Variants in TRAPPC6B observed in about 807,000 individuals in gnomAD.
TRAPPC6B encodes TRAPP complex subunit 6B.
TRAPPC6B carries 27 observed loss-of-function variants against 24.7 expected under a neutral mutation model. That is an observed-to-expected ratio of 1.09 (90% CI 0.81 to 1.51). The LOEUF (loss-of-function observed/expected upper bound fraction) is 1.51. TRAPPC6B is among the 40% of genes most tolerant of loss of function. The probability of loss-of-function intolerance (pLI) is 0.00; values close to 1 mark genes in which losing one functional copy is unlikely to be tolerated. For synonymous variants in TRAPPC6B, 80 were observed against 66.6 expected (o/e 1.20, Z -0.98); for missense variants, 212 against 190.8 (o/e 1.11, Z -0.66).
chr14:39,165,440 C>T (rs1189623308), intron 1 of TRAPPC6B, among the ~76,000 whole-genome samples: 1 of 152,156 alleles, frequency 6.6e-6, no homozygotes, highest in Non-Finnish European at 1.5e-5. Flanking sequence ...TCTGTACATA[C>T]ATCTATTACT....
chr14:39,166,009 G>A (rs1422135771), intron 1 of TRAPPC6B, among the ~76,000 whole-genome samples: 8 of 152,090 alleles, frequency 5.3e-5, no homozygotes, highest in African/African-American at 9.7e-5. Flanking sequence ...TCACCATGTT[G>A]GCCAGGCTGG....
chr14:39,150,383 TA>T lies in TRAPPC6B; in HGVS notation c.446-3del, dbSNP rs150886646. The T allele has an allele frequency of 0.11, 120,933 of 1,141,986 alleles. 2,040 individuals carry two copies. Among genetic ancestry groups the T allele is most frequent in the Non-Finnish European group, 0.12 (101,883 of 852,338 alleles). 70.7% of individuals were successfully genotyped at this position (1,141,986 alleles called of 1,614,324 possible). On this transcript the variant is annotated splice_region_variant and splice_polypyrimidine_tract_variant and intron_variant, in intron 5 of 5. Coordinates refer to ENST00000330149, the MANE Select transcript of TRAPPC6B (RefSeq NM_001079537.2). ...TCTGTATCATCACCTGAAATTTGCC[TA>T]AAAAAAAAAATACAAATAATTCTTT...
At chr14:39,164,192 T>TA (rs991086848) in intron 1 of TRAPPC6B, among the ~76,000 whole-genome samples, 7 of 152,044 alleles carry the variant, frequency 4.6e-5, no homozygotes, top group Admixed American at 1.3e-4. Flanking sequence ...AGTAAATTTC[T>TA]AAAAAAAATC....
At chr14:39,167,709 TC>T (rs55673596) in intron 1 of TRAPPC6B, among the ~76,000 whole-genome samples, 12,554 of 151,838 alleles carry the variant, frequency 0.083, 570 homozygotes, top group African/African-American at 0.12. Context: ...CTTTCAATTT[TC>T]CCCCCCATCA....
At position 39,151,848 on chromosome 14, in the gene TRAPPC6B, A is replaced by G; in HGVS notation, c.352-9T>C. On this transcript the variant is annotated splice_polypyrimidine_tract_variant and intron_variant, in intron 4 of 5. Coordinates refer to ENST00000330149, the MANE Select transcript of TRAPPC6B (RefSeq NM_001079537.2). ...CACGTAAATGCTAAATACTAAAAGGAAAAAAAATCATTAAAAATAGTAAGG... is the reference window on the plus strand; with the variant it reads ...CACGTAAATGCTAAATACTAAAAGGGAAAAAAATCATTAAAAATAGTAAGG... 1.3e-6 allele frequency: 2 copies of G among 1,539,826 alleles called. No homozygotes were observed. Among genetic ancestry groups the G allele is most frequent in the South Asian group, 1.2e-5 (1 of 83,944 alleles).
intron 1 of TRAPPC6B, 89 bp from the exon 2 acceptor site, chr14:39,159,639 T>A: frequency 1.2e-6 from 1 of 863,186 alleles, no homozygotes; most frequent in Non-Finnish European, 1.7e-6. Flanking sequence ...TTAAAAATAT[T>A]AATGTAAACA....
chr14:39,157,584 T>A, intron 3 of TRAPPC6B: 1 of 376,138 alleles, frequency 2.7e-6, no homozygotes, highest in South Asian at 2.1e-5. Flanking sequence ...CCTTGTGTCA[T>A]AAAATGGGGG....
At chr14:39,168,228 AAAGAG>A (rs1321464407) in intron 1 of TRAPPC6B, among the ~76,000 whole-genome samples, 5 of 151,622 alleles carry the variant, frequency 3.3e-5, no homozygotes, top group African/African-American at 1.2e-4. Flanking sequence ...AAAAAAAAAA[AAAGAG>A]AGAGAGAGAA....
chr14:39,153,159 G>C (rs540327268), intron 4 of TRAPPC6B, among the ~76,000 whole-genome samples: 183 of 151,956 alleles, frequency 1.2e-3, no homozygotes, highest in South Asian at 2.5e-3. Context: ...AGGCATGGTG[G>C]CGCACACCTG....
rs1272629135 is a variant in TRAPPC6B, at chr14:39,157,892, A to G, written c.267+393T>C. 15 of 165,456 alleles carry G rather than the reference A, an allele frequency of 9.1e-5. No homozygotes were observed. In the East Asian group the frequency reaches 2.8e-3, roughly 30 times the overall value. 10.2% of individuals were successfully genotyped at this position (165,456 alleles called of 1,614,324 possible). ...GTTGAGTTTTCTGTATATAAAAATA[A>G]TTAAAATAATCCAAATTCTTCTTCT... On this transcript the variant is annotated intron_variant, in intron 3 of 5. Coordinates refer to ENST00000330149, the MANE Select transcript of TRAPPC6B (RefSeq NM_001079537.2).
intron 1 of TRAPPC6B, among the ~76,000 whole-genome samples, chr14:39,166,724 T>C (rs2053112189): frequency 6.6e-6 from 1 of 152,262 alleles, no homozygotes; most frequent in Middle Eastern, 3.4e-3. Flanking sequence ...CTGTAAATAA[T>C]ATCACTATTG....
chr14:39,159,909 A>C (rs1034733515), intron 1 of TRAPPC6B, among the ~76,000 whole-genome samples: 1 of 152,074 alleles, frequency 6.6e-6, no homozygotes, highest in African/African-American at 2.4e-5. Flanking sequence ...TGCAACCTCC[A>C]TCTACAGGGT....
At chr14:39,165,909 T>C (rs1274634362) in intron 1 of TRAPPC6B, among the ~76,000 whole-genome samples, 1 of 152,126 alleles carries the variant, frequency 6.6e-6, no homozygotes, top group African/African-American at 2.4e-5. Context: ...GTTCAAGTGA[T>C]TCTTCTGCCT....
intron 1 of TRAPPC6B, among the ~76,000 whole-genome samples, chr14:39,164,725 T>C (rs912759417): frequency 3.9e-5 from 6 of 152,098 alleles, no homozygotes; most frequent in Non-Finnish European, 8.8e-5. Flanking sequence ...TAGTCCCAGC[T>C]ACTTGGGAGG....
chr14:39,165,806 C>T (rs764193258), intron 1 of TRAPPC6B, among the ~76,000 whole-genome samples: 6 of 151,950 alleles, frequency 3.9e-5, no homozygotes, highest in Non-Finnish European at 8.8e-5. Flanking sequence ...CTCTCTCTCT[C>T]TCTCTGTTTT....
intron 1 of TRAPPC6B, among the ~76,000 whole-genome samples, chr14:39,163,837 G>A (rs1291652128): frequency 1.3e-5 from 2 of 150,884 alleles, no homozygotes; most frequent in Non-Finnish European, 2.9e-5. Flanking sequence ...CAGGACCTTC[G>A]AAGTATGCAT....
Position 39,153,259 on chromosome 14 carries a change from A to G in TRAPPC6B, c.351+952T>C, listed in dbSNP as rs544372256. 1.1e-3 allele frequency among the ~76,000 whole-genome samples: 172 copies of G among 151,744 alleles called. 2 individuals carry two copies. Among genetic ancestry groups the G allele is most frequent in the African/African-American group, 4.0e-3 (164 of 41,426 alleles). ...GTGAGTCTCACACTCTGTCCGAAAAAAAAAAAAAAGAGAGAAAATATACAC... is the reference window on the plus strand; with the variant it reads ...GTGAGTCTCACACTCTGTCCGAAAAGAAAAAAAAAGAGAGAAAATATACAC... On this transcript the variant is annotated intron_variant, in intron 4 of 5. Transcript: ENST00000330149.
chr14:39,150,324 G>T lies in TRAPPC6B; in HGVS notation c.*26C>A. Reference sequence around the variant, plus strand: ...CATGAATAATTTATCTCTTTACACTGTTGAAGCCTTGCATTTCAGTATGTT... The same window carrying T: ...CATGAATAATTTATCTCTTTACACTTTTGAAGCCTTGCATTTCAGTATGTT... On this transcript the variant is annotated 3_prime_UTR_variant, in exon 6 of 6. Coordinates refer to ENST00000330149, the MANE Select transcript of TRAPPC6B (RefSeq NM_001079537.2). The T allele has an allele frequency of 6.4e-7, 1 of 1,570,554 alleles. No homozygotes were observed. Among genetic ancestry groups the T allele is most frequent in the South Asian group, 1.2e-5 (1 of 84,506 alleles).
chr14:39,150,730 G>T (rs1458639897), intron 5 of TRAPPC6B, among the ~76,000 whole-genome samples: 1 of 151,980 alleles, frequency 6.6e-6, no homozygotes, highest in African/African-American at 2.4e-5. Flanking sequence ...GTAGAGACAG[G>T]GTTTCACCTT....
Sources: allele counts gnomAD v4.1 joint callset (sites outside exome capture counted in the v4.1 genomes callset), GRCh38; gene constraint gnomAD v4.1.1; transcripts MANE v1.5; gene names NCBI Gene and HGNC (gene_info 2026-07-23, HGNC 2026-07-21).